The following MASP1 variants were observed in gnomAD, a reference collection of about 807,000 sequenced individuals.
MASP1 encodes mannan-binding lectin serine protease 1.
A neutral mutation model predicts 77.1 loss-of-function variants in MASP1; 59 were observed. The observed-to-expected ratio is 0.77, with a 90% confidence interval of 0.62 to 0.95. The LOEUF (loss-of-function observed/expected upper bound fraction) is 0.95, where lower values mean the gene tolerates loss of function less well. MASP1 is among the 40% of genes least tolerant of loss of function. The probability of loss-of-function intolerance (pLI) is 0.00; values close to 1 mark genes in which losing one functional copy is unlikely to be tolerated. For missense variants in MASP1, 885 were observed against 912.9 expected, an observed-to-expected ratio of 0.97 and a Z score of 0.39; for synonymous variants, 362 against 354.5, an observed-to-expected ratio of 1.02 and a Z score of -0.24.
intron 14 of MASP1, among the ~76,000 whole-genome samples, chr3:187,221,894 T>A (rs904392574): frequency 6.6e-6 from 1 of 152,140 alleles, no homozygotes; most frequent in South Asian, 2.1e-4. Flanking sequence ...CTTGATCCAG[T>A]GTGGGGGTAA....
At chr3:187,263,372 C>G (rs1242344176) in intron 2 of MASP1, 1 of 152,554 alleles carries the variant, frequency 6.6e-6, no homozygotes, top group African/African-American at 2.4e-5. Context: ...GTGCATGGAA[C>G]AGGACCTGGC....
intron 2 of MASP1, among the ~76,000 whole-genome samples, chr3:187,278,076 G>A (rs1717105493): frequency 6.6e-6 from 1 of 152,194 alleles, no homozygotes; most frequent in Admixed American, 6.5e-5. Context: ...TTAGAGATGT[G>A]TTGGACATAT....
chr3:187,240,538 T>C (rs943934537), intron 10 of MASP1, among the ~76,000 whole-genome samples: 5 of 152,250 alleles, frequency 3.3e-5, no homozygotes, highest in African/African-American at 9.6e-5. Flanking sequence ...TGTGGATTAT[T>C]TGTTTAACCG....
At position 187,243,471 on chromosome 3, in the gene MASP1, A is replaced by G. The variant is rs772426231; in HGVS notation, c.1228+13T>C. 2 of 1,614,112 alleles carry G rather than the reference A, an allele frequency of 1.2e-6. No individual in the cohort carries two copies. Among genetic ancestry groups the G allele is most frequent in the South Asian group, 1.1e-5 (1 of 91,076 alleles). On this transcript the variant is annotated intron_variant, in intron 9 of 10. Coordinates refer to ENST00000296280, the MANE Select transcript of MASP1 (RefSeq NM_139125.4). The stretch of plus-strand genomic sequence containing the variant: ...TGAAACGGGAGTGGGATGGCTTAGC[A>G]TGGATGGCTTACCTGTGTTATTGTT...
intron 9 of MASP1, chr3:187,243,103 AG>A: frequency 3.1e-6 from 1 of 320,200 alleles, no homozygotes; most frequent in Non-Finnish European, 6.0e-6. Flanking sequence ...ACCCCAACTC[AG>A]CCTCAGACCA....
At chr3:187,274,123 G>A (rs1369647406) in intron 2 of MASP1, among the ~76,000 whole-genome samples, 3 of 151,868 alleles carry the variant, frequency 2.0e-5, no homozygotes, top group African/African-American at 4.8e-5. Context: ...CTCAAGAATC[G>A]CTTGAACCCG....
At chr3:187,233,563 C>T (rs1461467322), downstream of MASP1, among the ~76,000 whole-genome samples, 1 of 152,210 alleles carries the variant, frequency 6.6e-6, no homozygotes, top group Non-Finnish European at 1.5e-5. Context: ...TGCACATAAG[C>T]TTGTCTTGCA....
intron 4 of MASP1, among the ~76,000 whole-genome samples, chr3:187,257,535 C>A (rs907366209): frequency 6.6e-6 from 1 of 152,118 alleles, no homozygotes; most frequent in Admixed American, 6.5e-5. Flanking sequence ...CAGGCACGTG[C>A]TATAACACCT....
intron 10 of MASP1, among the ~76,000 whole-genome samples, chr3:187,238,968 C>T (rs1445611634): frequency 6.6e-6 from 1 of 152,082 alleles, no homozygotes; most frequent in Non-Finnish European, 1.5e-5. Context: ...CATGGTTCTG[C>T]CCAACACTGG....
chr3:187,250,862 C>G (rs1485500331), intron 7 of MASP1, among the ~76,000 whole-genome samples: 1 of 152,236 alleles, frequency 6.6e-6, no homozygotes, highest in East Asian at 1.9e-4. Context: ...TTTAACTGAT[C>G]TCAAGTGAGA....
At chr3:187,254,938 G>C (rs1383441142) in intron 5 of MASP1, among the ~76,000 whole-genome samples, 1 of 152,072 alleles carries the variant, frequency 6.6e-6, no homozygotes, top group Non-Finnish European at 1.5e-5. Flanking sequence ...AACAAATGAA[G>C]CCCCAAGAGG....
At chr3:187,264,475 T>TA (rs34053057) in intron 2 of MASP1, among the ~76,000 whole-genome samples, 37,085 of 146,806 alleles carry the variant, frequency 0.25, 5,337 homozygotes, top group Middle Eastern at 0.35. Context: ...GTGTAACACT[T>TA]AAAAAAAAAA....
rs116491432 is a variant in MASP1, at chr3:187,256,137, G to A, written c.744+527C>T. ...GTTATTTGCCTGTGGTATTTGTTCC[G>A]TCTTTATTTGCCTTTGACATAGCCT... On this transcript the variant is annotated intron_variant, in intron 5 of 10. Transcript: ENST00000296280. Among the ~76,000 whole-genome samples the A allele has an allele frequency of 4.7e-3, 713 of 152,130 alleles. 4 individuals carry two copies. The highest frequency in any genetic ancestry group is 0.016 in the African/African-American group (666 of 41,496).
chr3:187,229,671 G>A (rs1712648110), downstream of MASP1: 2 of 1,523,172 alleles, frequency 1.3e-6, no homozygotes, highest in Admixed American at 3.7e-5. Context: ...ATGCTAGTGT[G>A]CACAATGATT....
At chr3:187,254,688 A>T (rs779934535) in intron 5 of MASP1, among the ~76,000 whole-genome samples, 3 of 151,890 alleles carry the variant, frequency 2.0e-5, no homozygotes, top group Non-Finnish European at 4.4e-5. Flanking sequence ...AACAGTTGGG[A>T]AGTTTTGCAG....
downstream of MASP1, among the ~76,000 whole-genome samples, chr3:187,232,792 G>A (rs1030412397): frequency 6.6e-6 from 1 of 152,070 alleles, no homozygotes; most frequent in African/African-American, 2.4e-5. Context: ...AACAAAAATT[G>A]GAAATGTAAT....
intron 8 of MASP1, chr3:187,246,400 T>C (rs1422682418): frequency 1.0e-6 from 1 of 985,368 alleles, no homozygotes; most frequent in Non-Finnish European, 1.2e-6. Context: ...TTGTCTTTAG[T>C]AGCCAGCCCA....
downstream of MASP1, chr3:187,229,819 GGAGT>G: frequency 6.2e-7 from 1 of 1,614,142 alleles, no homozygotes; most frequent in Non-Finnish European, 8.5e-7. Flanking sequence ...GGCAATCCAG[GGAGT>G]GGTGCCTTTC....
At position 187,235,320 on chromosome 3, in the gene MASP1, C is replaced by T. The variant is rs74505196; in HGVS notation, c.*364G>A. 3,143 of 1,347,058 alleles carry T rather than the reference C, an allele frequency of 2.3e-3. 5 individuals carry two copies. Among genetic ancestry groups the T allele is most frequent in the Non-Finnish European group, 2.9e-3 (2,987 of 1,028,468 alleles). 83.4% of individuals were successfully genotyped at this position (1,347,058 alleles called of 1,614,324 possible). A position where few individuals can be genotyped will look rare whatever the true frequency, so the allele number is the denominator to read the frequency against. On this transcript the variant is annotated 3_prime_UTR_variant, in exon 11 of 11. Coordinates refer to ENST00000296280, the MANE Select transcript of MASP1 (RefSeq NM_139125.4). ...AGCTCAGTTATACCAACAGTAGGACCGATGGGTTTGATAAGTGGTCAGGAG... is the reference window on the plus strand; with the variant it reads ...AGCTCAGTTATACCAACAGTAGGACTGATGGGTTTGATAAGTGGTCAGGAG...
Sources: gnomAD v4.1 joint callset for allele counts (sites outside exome capture counted in the v4.1 genomes callset) on GRCh38, gnomAD v4.1.1 for gene constraint, MANE v1.5 for transcripts, NCBI Gene and HGNC (gene_info 2026-07-23, HGNC 2026-07-21) for gene names.